The following DPYD variants were observed in gnomAD, a reference collection of about 807,000 sequenced individuals.
DPYD encodes the protein dihydropyrimidine dehydrogenase [NADP(+)].
A neutral mutation model predicts 116.2 loss-of-function variants in DPYD; 109 were observed. That is an observed-to-expected ratio of 0.94 (90% CI 0.80 to 1.10). The LOEUF is 1.10. Among genes scored for constraint, DPYD ranks in the 50% least tolerant of loss-of-function variants. The pLI is 0.00. For synonymous variants in DPYD, 440 were observed against 432.0 expected, an observed-to-expected ratio of 1.02 and a Z score of -0.23; for missense variants, 1,302 against 1,254.5, an observed-to-expected ratio of 1.04 and a Z score of -0.57.
chr1:97,400,334 T>G (rs1557686279), intron 14 of DPYD, among the ~76,000 whole-genome samples: 1 of 152,216 alleles, frequency 6.6e-6, no homozygotes, highest in African/African-American at 2.4e-5. Context: ...TTTGATGTGT[T>G]GCTGGATTCA....
At chr1:97,765,351 A>G (rs928057017) in intron 3 of DPYD, among the ~76,000 whole-genome samples, 3 of 152,216 alleles carry the variant, frequency 2.0e-5, no homozygotes, top group Admixed American at 2.0e-4. Context: ...GTCTAAGGCT[A>G]TATAGAGAGG....
chr1:97,499,819 A>C (rs966228471), intron 13 of DPYD, among the ~76,000 whole-genome samples: 2 of 151,996 alleles, frequency 1.3e-5, no homozygotes, highest in Non-Finnish European at 2.9e-5. Context: ...TTTACACAAT[A>C]GTGTAAGTCA....
intron 18 of DPYD, among the ~76,000 whole-genome samples, chr1:97,244,837 T>C (rs947036587): frequency 7.9e-5 from 12 of 152,068 alleles, no homozygotes; most frequent in Non-Finnish European, 1.5e-5. Flanking sequence ...TGGTTTTACA[T>C]CGCAGCTAGT....
chr1:97,831,179 T>C (rs184321432), intron 2 of DPYD, among the ~76,000 whole-genome samples: 34 of 152,328 alleles, frequency 2.2e-4, no homozygotes, highest in African/African-American at 7.5e-4. Flanking sequence ...AAGCACTAAG[T>C]AACAGACACA....
At chr1:97,568,959 A>G (rs1652715289) in intron 11 of DPYD, among the ~76,000 whole-genome samples, 1 of 149,806 alleles carries the variant, frequency 6.7e-6, no homozygotes. Context: ...ATCTTTACAG[A>G]GTCAAAATTT....
intron 2 of DPYD, among the ~76,000 whole-genome samples, chr1:97,861,365 A>AT (rs1671107118): frequency 6.6e-6 from 1 of 151,882 alleles, no homozygotes; most frequent in Non-Finnish European, 1.5e-5. Context: ...TGTCATTTTG[A>AT]GATATAACTT....
chr1:97,678,903 T>G (rs1444358500), intron 8 of DPYD, among the ~76,000 whole-genome samples, 192 bp downstream of exon 8: 3 of 152,172 alleles, frequency 2.0e-5, no homozygotes, highest in Admixed American at 2.0e-4. Context: ...AATCTCTCCA[T>G]AATTAAGGTG....
At chr1:97,118,077 T>C (rs1053097124) in intron 20 of DPYD, among the ~76,000 whole-genome samples, 6 of 152,192 alleles carry the variant, frequency 3.9e-5, no homozygotes, top group Non-Finnish European at 8.8e-5. Flanking sequence ...TTTTGCTTCC[T>C]TTTTGCTTGA....
chr1:97,600,913 A>G (rs964921471), intron 8 of DPYD, among the ~76,000 whole-genome samples: 5 of 152,192 alleles, frequency 3.3e-5, no homozygotes, highest in Non-Finnish European at 5.9e-5. Context: ...GAAAGGATGT[A>G]GCCACATAAG....
chr1:97,911,569 T>C (rs1673938026), intron 1 of DPYD, among the ~76,000 whole-genome samples: 1 of 151,982 alleles, frequency 6.6e-6, no homozygotes, highest in Admixed American at 6.6e-5. Flanking sequence ...GACCCTTTCT[T>C]CTCTGAGTAC....
intron 19 of DPYD, among the ~76,000 whole-genome samples, chr1:97,213,299 T>C (rs922477989): frequency 5.2e-4 from 79 of 152,294 alleles, no homozygotes; most frequent in African/African-American, 1.8e-3. Flanking sequence ...TTACAACTTT[T>C]AGCTTACAAA....
chr1:97,774,016 G>A (rs1287685422), intron 3 of DPYD, among the ~76,000 whole-genome samples: 8 of 152,138 alleles, frequency 5.3e-5, no homozygotes, highest in Admixed American at 1.3e-4. Flanking sequence ...TGTAACACAC[G>A]TTCACTGGAG....
At chr1:97,230,943 G>A (rs935689136) in intron 19 of DPYD, among the ~76,000 whole-genome samples, 2 of 152,172 alleles carry the variant, frequency 1.3e-5, no homozygotes, top group African/African-American at 4.8e-5. Context: ...GGCTTCATGT[G>A]CATAGTCAGT....
At chr1:97,616,668 A>AT (rs1466952490) in intron 8 of DPYD, among the ~76,000 whole-genome samples, 3 of 152,202 alleles carry the variant, frequency 2.0e-5, no homozygotes, top group Non-Finnish European at 4.4e-5. Context: ...GATAACCGTG[A>AT]TAACACAAAA....
chr1:97,537,936 A>G (rs1216243343), intron 12 of DPYD, among the ~76,000 whole-genome samples: 2 of 152,190 alleles, frequency 1.3e-5, no homozygotes, highest in Non-Finnish European at 2.9e-5. Flanking sequence ...GCGTGGTGGC[A>G]TATGCCTGTA....
rs1350673563 is a variant in DPYD at position 97,816,693 on chromosome 1, G to T, written c.233+11421C>A. On this transcript the variant is annotated intron_variant, in intron 3 of 22. Coordinates refer to ENST00000370192, the MANE Select transcript of DPYD (RefSeq NM_000110.4). ...TAAAACATAAACATGAATAATCAATGCTAGTTAATTCAGTGGCACTAGTAC... is the reference window on the plus strand; with the variant it reads ...TAAAACATAAACATGAATAATCAATTCTAGTTAATTCAGTGGCACTAGTAC... Among the ~76,000 whole-genome samples, 3 of 152,200 alleles carry T rather than the reference G, an allele frequency of 2.0e-5. No homozygotes were observed. The East Asian group carries it at 5.8e-4, about 29-fold the overall frequency.
At chr1:97,697,874 G>A (rs1661392717) in intron 6 of DPYD, among the ~76,000 whole-genome samples, 1 of 151,980 alleles carries the variant, frequency 6.6e-6, no homozygotes, top group African/African-American at 2.4e-5. Flanking sequence ...ATGCAATCAA[G>A]TGGCAAACAG....
Position 97,917,395 on chromosome 1 carries a change from T to C in DPYD, c.39+3489A>G, listed in dbSNP as rs188824454. ...CCCATGACTTTCCTTGTTTCAAAAT[T>C]TGTAAAGTCCACTTTCTCCAAGTCT... On this transcript the variant is annotated intron_variant, in intron 1 of 22. Transcript: ENST00000370192. Among the ~76,000 whole-genome samples, 289 of 152,284 alleles carry C rather than the reference T, an allele frequency of 1.9e-3. 3 individuals are homozygous for C. Among genetic ancestry groups the C allele is most frequent in the Admixed American group, 3.7e-3 (57 of 15,302 alleles).
At chr1:97,122,564 C>T (rs935935107) in intron 20 of DPYD, among the ~76,000 whole-genome samples, 11 of 152,110 alleles carry the variant, frequency 7.2e-5, no homozygotes, top group Non-Finnish European at 1.5e-5. Flanking sequence ...TATTCTTAAT[C>T]TGAATGGTTA....
Sources: allele counts gnomAD v4.1 joint callset (sites outside exome capture counted in the v4.1 genomes callset), GRCh38; gene constraint gnomAD v4.1.1; transcripts MANE v1.5; gene names NCBI Gene and HGNC (gene_info 2026-07-23, HGNC 2026-07-21).